H3C2: variants seen among roughly 807,000 people sequenced by gnomAD.
H3C2 encodes histone H3.1.
Under a neutral mutation model 8.7 loss-of-function variants are expected in H3C2, and 13 were observed. The observed-to-expected ratio is 1.49, with a 90% CI of 0.97 to 2.37. The LOEUF (loss-of-function observed/expected upper bound fraction) is 2.37, where lower values mean the gene tolerates loss of function less well. Among genes scored for constraint, H3C2 ranks in the 30% most tolerant of loss-of-function variants. The pLI is 0.00. For synonymous variants in H3C2, 166 were observed against 77.6 expected, an observed-to-expected ratio of 2.14 and a Z score of -5.99; for missense variants, 144 against 190.4, an observed-to-expected ratio of 0.76 and a Z score of 1.44.
rs779578620 is a variant in H3C2 at position 26,031,926 on chromosome 6, G to A, written c.135C>T (p.Gly45=). ...GGCGGATCTCGCGCAGAGCCACAGTGCCCGGGCGGTAACGGTGAGGCTTTT... is the reference window on the plus strand; with the variant it reads ...GGCGGATCTCGCGCAGAGCCACAGTACCCGGGCGGTAACGGTGAGGCTTTT... ...GVKKPHRYRP[G]TVALREIRRY... is the part of the protein sequence containing the mutation. The change falls in exon 1 of 1, where the codon GGC becomes GGT. Residue 45 remains glycine (G), a synonymous_variant. Transcript: ENST00000621411. 1.5e-5 allele frequency: 24 copies of A among 1,614,124 alleles called. No homozygotes were observed. Among genetic ancestry groups the A allele is most frequent in the Middle Eastern group, 1.6e-4 (1 of 6,084 alleles).
rs756606482 is a variant in H3C2 at position 26,031,998 on chromosome 6, C to T, written c.63G>A (p.Leu21=). Residue 21 remains leucine, a synonymous_variant, in exon 1 of 1, where the codon CTG becomes CTA. Coordinates refer to ENST00000621411, the MANE Select transcript of H3C2 (RefSeq NM_003537.4). ...CGCTCTTGCGAGCAGCCTTGGTAGC[C>T]AGCTGCTTGCGTGGCGCTTTACCGC... The part of the protein sequence containing the change: ...STGGKAPRKQ[L]ATKAARKSAP... 11 of 1,614,010 alleles carry T rather than the reference C, an allele frequency of 6.8e-6. No homozygotes were observed. The highest frequency in any genetic ancestry group is 5.9e-6 in the Non-Finnish European group (7 of 1,180,026).
rs770032800 is a variant in H3C2 at position 26,031,928 on chromosome 6, C to T, written c.133G>A (p.Gly45Ser). ...GVKKPHRYRP[G>S]TVALREIRRY... Reference sequence around the variant, plus strand: ...CGGATCTCGCGCAGAGCCACAGTGCCCGGGCGGTAACGGTGAGGCTTTTTC... The same window carrying T: ...CGGATCTCGCGCAGAGCCACAGTGCTCGGGCGGTAACGGTGAGGCTTTTTC... The change falls in exon 1 of 1, where the codon GGC becomes AGC. Residue 45 changes from glycine to serine, a missense_variant. Physicochemically the swap from Gly to Ser is moderately conservative, Grantham distance 56 (BLOSUM62 0). Coordinates refer to ENST00000621411, the MANE Select transcript of H3C2 (RefSeq NM_003537.4). 1 of 1,614,224 alleles carries T rather than the reference C, an allele frequency of 6.2e-7. No individual in the cohort carries two copies. Among genetic ancestry groups the T allele is most frequent in the South Asian group, 1.1e-5 (1 of 91,090 alleles).
rs757416265 is a variant in H3C2 at position 26,031,911 on chromosome 6, G to A, written c.150C>T (p.Arg50=). 6.2e-7 allele frequency: 1 copy of A among 1,614,228 alleles called. No homozygotes were observed. The highest frequency in any genetic ancestry group is 8.5e-7 in the Non-Finnish European group (1 of 1,180,044). Residue 50 remains arginine, a synonymous_variant, in exon 1 of 1, where the codon CGC becomes CGT. Transcript: ENST00000621411. ...HRYRPGTVAL[R]EIRRYQKSTE... Reference sequence around the variant, plus strand: ...TCGACTTTTGGTAGCGGCGGATCTCGCGCAGAGCCACAGTGCCCGGGCGGT... The same window carrying A: ...TCGACTTTTGGTAGCGGCGGATCTCACGCAGAGCCACAGTGCCCGGGCGGT...
rs1357590949 is a variant in H3C2 at position 26,031,749 on chromosome 6, G to A, written c.312C>T (p.Leu104=). ...TGGCGCAAAGGTTTGTGTCCTCAAAGAGCCCTACCAAGTAGGCCTCACAAG... is the reference window on the plus strand; with the variant it reads ...TGGCGCAAAGGTTTGTGTCCTCAAAAAGCCCTACCAAGTAGGCCTCACAAG... The part of the protein sequence containing the change: ...QEACEAYLVG[L]FEDTNLCAIH... The change falls in exon 1 of 1, where the codon CTC becomes CTT. Residue 104 remains leucine, a synonymous_variant. Coordinates refer to ENST00000621411, the MANE Select transcript of H3C2 (RefSeq NM_003537.4). 1.2e-6 allele frequency: 2 copies of A among 1,614,250 alleles called. No homozygotes were observed. The highest frequency in any genetic ancestry group is 1.7e-6 in the Non-Finnish European group (2 of 1,180,048).
rs139461801 is a variant in H3C2 at position 26,031,794 on chromosome 6, C to T, written c.267G>A (p.Ala89=). 2.3e-5 allele frequency: 37 copies of T among 1,614,252 alleles called. 1 individual carries two copies. In the African/African-American group the frequency reaches 3.5e-4, roughly 15 times the overall value. The change falls in exon 1 of 1, where the codon GCG becomes GCA. Residue 89 remains alanine (A), a synonymous_variant. Coordinates refer to ENST00000621411, the MANE Select transcript of H3C2 (RefSeq NM_003537.4). ...FKTDLRFQSS[A]VMALQEACEA... is the part of the protein sequence containing the mutation. ...CACAAGCCTCCTGCAGCGCCATCAC[C>T]GCAGAGCTCTGGAAGCGAAGATCGG...
In H3C2 at chr6:26,031,669, A is replaced by C. The variant is rs2113677588; in HGVS notation, c.392T>G (p.Ile131Ser). The change falls in exon 1 of 1, where the codon ATT (isoleucine) becomes AGT (serine). Residue 131 changes from isoleucine to serine, a missense_variant. Transcript: ENST00000621411. ...MPKDIQLARR[I>S]RGERA Reference sequence around the variant, plus strand: ...TTACATTTACGCTCTTTCTCCGCGAATGCGGCGAGCGAGCTGGATGTCTTT... The same window carrying C: ...TTACATTTACGCTCTTTCTCCGCGACTGCGGCGAGCGAGCTGGATGTCTTT... 6.2e-7 allele frequency: 1 copy of C among 1,613,506 alleles called. No homozygotes were observed. The highest frequency in any genetic ancestry group is 8.5e-7 in the Non-Finnish European group (1 of 1,179,898).
At position 26,031,899 on chromosome 6, in the gene H3C2, G is replaced by A. The variant is rs778161375; in HGVS notation, c.162C>T (p.Arg54=). 3 of 1,614,256 alleles carry A rather than the reference G, an allele frequency of 1.9e-6. No individual in the cohort carries two copies. Among genetic ancestry groups the A allele is most frequent in the South Asian group, 1.1e-5 (1 of 91,090 alleles). The change falls in exon 1 of 1, where the codon CGC becomes CGT. Residue 54 remains arginine, a synonymous_variant. Transcript: ENST00000621411. ...TCAGCAACTCGGTCGACTTTTGGTA[G>A]CGGCGGATCTCGCGCAGAGCCACAG... ...PGTVALREIR[R]YQKSTELLIR...
rs748472587 is a variant in H3C2, at chr6:26,031,838, T to C, written c.223A>G (p.Ile75Val). Residue 75 changes from isoleucine to valine, a missense_variant, in exon 1 of 1, where the codon ATC becomes GTC. Ile to Val is a conservative substitution (Grantham distance 29, BLOSUM62 3). Coordinates refer to ENST00000621411, the MANE Select transcript of H3C2 (RefSeq NM_003537.4). ...AGATCGGTCTTGAAGTCTTGGGCGA[T>C]TTCTCGCACCAGGCGCTGGAACGGC... The part of the protein sequence containing the change: ...KLPFQRLVRE[I>V]AQDFKTDLRF... 5 of 1,614,230 alleles carry C rather than the reference T, an allele frequency of 3.1e-6. No homozygotes were observed. The highest frequency in any genetic ancestry group is 2.2e-5 in the East Asian group (1 of 44,880).
chr6:26,031,654 G>A lies in H3C2; in HGVS notation c.407C>T (p.Ala136Val), dbSNP rs756571457. 3.7e-6 allele frequency: 6 copies of A among 1,612,638 alleles called. No homozygotes were observed. Among genetic ancestry groups the A allele is most frequent in the African/African-American group, 1.3e-5 (1 of 74,778 alleles). ...QLARRIRGER[A>V] ...GATGAAAAAGTGACTTTACATTTAC[G>A]CTCTTTCTCCGCGAATGCGGCGAGC... Residue 136 changes from alanine to valine, a missense_variant, in exon 1 of 1, where the codon GCG (alanine) becomes GTG (valine). Ala to Val is a moderately conservative substitution (Grantham distance 64, BLOSUM62 0). Coordinates refer to ENST00000621411, the MANE Select transcript of H3C2 (RefSeq NM_003537.4).
Position 26,032,061 on chromosome 6 carries a change from G to A in H3C2, c.-1C>T, listed in dbSNP as rs538334250. The A allele has an allele frequency of 3.7e-5, 59 of 1,605,624 alleles. No individual in the cohort carries two copies. Among genetic ancestry groups the A allele is most frequent in the South Asian group, 2.3e-4 (21 of 90,226 alleles). On this transcript the variant is annotated 5_prime_UTR_variant, in exon 1 of 1. Transcript: ENST00000621411. Reference sequence around the variant, plus strand: ...GAGCTGTCTGTTTAGTACGAGCCATGGCAAAACCACAGAAAAGCTTGCCTG... The same window carrying A: ...GAGCTGTCTGTTTAGTACGAGCCATAGCAAAACCACAGAAAAGCTTGCCTG...
Position 26,031,711 on chromosome 6 carries a change from C to G in H3C2, c.350G>C (p.Arg117Pro). ...GATGTCTTTGGGCATAATAGTCACTCGCTTAGCATGGATGGCGCAAAGGTT... is the reference window on the plus strand; with the variant it reads ...GATGTCTTTGGGCATAATAGTCACTGGCTTAGCATGGATGGCGCAAAGGTT... ...DTNLCAIHAK[R>P]VTIMPKDIQL... The change falls in exon 1 of 1, where the codon CGA (arginine) becomes CCA (proline). Residue 117 changes from arginine (R) to proline (P), a missense_variant. Physicochemically the swap from Arg to Pro is moderately radical, Grantham distance 103. Coordinates refer to ENST00000621411, the MANE Select transcript of H3C2 (RefSeq NM_003537.4). 2 of 1,614,252 alleles carry G rather than the reference C, an allele frequency of 1.2e-6. No individual in the cohort carries two copies. The highest frequency in any genetic ancestry group is 1.7e-6 in the Non-Finnish European group (2 of 1,180,052).
Position 26,032,090 on chromosome 6 carries a change from A to C in H3C2, c.-30T>G, listed in dbSNP as rs1478453263. ...AAACCACAGAAAAGCTTGCCTGCAGAGACGTCTGTGGAGGAAAGGAAAGAG... is the reference window on the plus strand; with the variant it reads ...AAACCACAGAAAAGCTTGCCTGCAGCGACGTCTGTGGAGGAAAGGAAAGAG... On this transcript the variant is annotated 5_prime_UTR_variant, in exon 1 of 1. Coordinates refer to ENST00000621411, the MANE Select transcript of H3C2 (RefSeq NM_003537.4). The C allele has an allele frequency of 8.8e-6, 14 of 1,588,188 alleles. No homozygotes were observed. Among genetic ancestry groups the C allele is most frequent in the Non-Finnish European group, 1.2e-5 (14 of 1,172,516 alleles).
rs1230866071 is a variant in H3C2 at position 26,031,595 on chromosome 6, G to A, written c.*55C>T. ...CAGCTACTTTCGTTGGAATAAGTGG[G>A]TGGCTCTGAAAAGAGCCTTTGGGTT... On this transcript the variant is annotated 3_prime_UTR_variant, in exon 1 of 1. Coordinates refer to ENST00000621411, the MANE Select transcript of H3C2 (RefSeq NM_003537.4). The A allele has an allele frequency of 6.5e-7, 1 of 1,542,820 alleles. No homozygotes were observed. The highest frequency in any genetic ancestry group is 8.8e-7 in the Non-Finnish European group (1 of 1,133,138).
In H3C2 at chr6:26,031,623, A is replaced by T. The variant is rs747615449; in HGVS notation, c.*27T>A. The T allele has an allele frequency of 6.2e-7, 1 of 1,605,794 alleles. No homozygotes were observed. Among genetic ancestry groups the T allele is most frequent in the African/African-American group, 1.3e-5 (1 of 74,320 alleles). On this transcript the variant is annotated 3_prime_UTR_variant, in exon 1 of 1. Transcript: ENST00000621411. ...GCTCTGAAAAGAGCCTTTGGGTTTT[A>T]AGACTGATGAAAAAGTGACTTTACA... is the stretch of plus-strand genomic sequence containing the variant.
Position 26,031,760 on chromosome 6 carries a change from A to G in H3C2, c.301T>C (p.Leu101=), listed in dbSNP as rs975981098. ...TTTGTGTCCTCAAAGAGCCCTACCA[A>G]GTAGGCCTCACAAGCCTCCTGCAGC... The part of the protein sequence containing the change: ...MALQEACEAY[L]VGLFEDTNLC... The change falls in exon 1 of 1, where the codon TTG becomes CTG. Residue 101 remains leucine, a synonymous_variant. Transcript: ENST00000621411. The G allele has an allele frequency of 3.7e-6, 6 of 1,614,252 alleles. No individual in the cohort carries two copies. The highest frequency in any genetic ancestry group is 4.5e-5 in the East Asian group (2 of 44,890).
At position 26,032,077 on chromosome 6, in the gene H3C2, A is replaced by T. The variant is rs766431422; in HGVS notation, c.-17T>A. 6.3e-7 allele frequency: 1 copy of T among 1,599,444 alleles called. No individual in the cohort carries two copies. Among genetic ancestry groups the T allele is most frequent in the Non-Finnish European group, 8.5e-7 (1 of 1,176,988 alleles). On this transcript the variant is annotated 5_prime_UTR_variant, in exon 1 of 1. Coordinates refer to ENST00000621411, the MANE Select transcript of H3C2 (RefSeq NM_003537.4). ...ACGAGCCATGGCAAAACCACAGAAA[A>T]GCTTGCCTGCAGAGACGTCTGTGGA...
In H3C2 at chr6:26,031,695, G is replaced by A. The variant is rs1761456316; in HGVS notation, c.366C>T (p.Pro122=). Residue 122 remains proline, a synonymous_variant, in exon 1 of 1, where the codon CCC becomes CCT. Transcript: ENST00000621411. Reference sequence around the variant, plus strand: ...TGCGGCGAGCGAGCTGGATGTCTTTGGGCATAATAGTCACTCGCTTAGCAT... The same window carrying A: ...TGCGGCGAGCGAGCTGGATGTCTTTAGGCATAATAGTCACTCGCTTAGCAT... ...AIHAKRVTIM[P]KDIQLARRIR... 3 of 1,614,058 alleles carry A rather than the reference G, an allele frequency of 1.9e-6. No individual in the cohort carries two copies. Among genetic ancestry groups the A allele is most frequent in the Non-Finnish European group, 2.5e-6 (3 of 1,180,008 alleles).
At position 26,032,014 on chromosome 6, in the gene H3C2, G is replaced by A. The variant is rs1186633158; in HGVS notation, c.47C>T (p.Ala16Val). 3 of 1,613,482 alleles carry A rather than the reference G, an allele frequency of 1.9e-6. No homozygotes were observed. The highest frequency in any genetic ancestry group is 1.3e-5 in the African/African-American group (1 of 74,900). ...QTARKSTGGK[A>V]PRKQLATKAA... is the part of the protein sequence containing the mutation. ...CTTGGTAGCCAGCTGCTTGCGTGGC[G>A]CTTTACCGCCGGTGGATTTCCGAGC... The change falls in exon 1 of 1, where the codon GCG becomes GTG. Residue 16 changes from alanine (A) to valine (V), a missense_variant. Transcript: ENST00000621411.
chr6:26,031,610 G>A lies in H3C2; in HGVS notation c.*40C>T, dbSNP rs1415211703. On this transcript the variant is annotated 3_prime_UTR_variant, in exon 1 of 1. Transcript: ENST00000621411. ...GAATAAGTGGGTGGCTCTGAAAAGA[G>A]CCTTTGGGTTTTAAGACTGATGAAA... 3.1e-6 allele frequency: 5 copies of A among 1,592,432 alleles called. No homozygotes were observed. The highest frequency in any genetic ancestry group is 4.3e-6 in the Non-Finnish European group (5 of 1,169,912).
Sources: allele counts gnomAD v4.1 joint callset, GRCh38; gene constraint gnomAD v4.1.1; transcripts MANE v1.5; gene names NCBI Gene and HGNC (gene_info 2026-07-23, HGNC 2026-07-21).